CRYBG3: variants seen among roughly 807,000 people sequenced by gnomAD.
CRYBG3 encodes very large A-kinase anchor protein.
In CRYBG3, 127 loss-of-function variants were observed where a neutral mutation model predicts 244.2. The observed-to-expected ratio is 0.52, with a 90% CI of 0.45 to 0.60. CRYBG3 has a LOEUF of 0.60. Ranked by LOEUF, CRYBG3 falls within the 20% of genes least tolerant of loss-of-function variation. The pLI, the probability that CRYBG3 is intolerant of heterozygous loss-of-function variation, is 0.00. For synonymous variants in CRYBG3, 1,132 were observed against 1,195.8 expected, an observed-to-expected ratio of 0.95 and a Z score of 1.10; for missense variants, 3,325 against 3,442.5, an observed-to-expected ratio of 0.97 and a Z score of 0.85.
chr3:97,911,677 G>C (rs7653323), intron 15 of CRYBG3, among the ~76,000 whole-genome samples: 76 of 152,288 alleles, frequency 5.0e-4, no homozygotes, highest in African/African-American at 1.7e-3. Flanking sequence ...GCATGTGCTC[G>C]TGCTCTCCTC....
At chr3:97,891,330 A>G (rs2039573316) in intron 10 of CRYBG3, among the ~76,000 whole-genome samples, 1 of 152,174 alleles carries the variant, frequency 6.6e-6, no homozygotes, top group Admixed American at 6.6e-5. Flanking sequence ...AAACAATGTA[A>G]TCACACTCAA....
At chr3:97,931,314 C>T (rs1436596990) in intron 17 of CRYBG3, among the ~76,000 whole-genome samples, 1 of 152,108 alleles carries the variant, frequency 6.6e-6, no homozygotes, top group East Asian at 1.9e-4. Context: ...GAATTTGATG[C>T]CATGGGGCAA....
Position 97,851,082 on chromosome 3 carries a change from G to A in CRYBG3, c.216+7821G>A, listed in dbSNP as rs186450460. ...TGGGAGGTGGAGGTTTTGGTGAGCC[G>A]AGATTGCACCACTGCACTCCAGCCT... On this transcript the variant is annotated intron_variant, in intron 2 of 21. Transcript: ENST00000389622. Among the ~76,000 whole-genome samples the A allele has an allele frequency of 9.6e-3, 1,422 of 148,366 alleles. 8 individuals carry two copies. The highest frequency in any genetic ancestry group is 0.016 in the Non-Finnish European group (1,093 of 67,768).
chr3:97,844,401 T>C (rs1222628643), intron 2 of CRYBG3, among the ~76,000 whole-genome samples: 1 of 152,166 alleles, frequency 6.6e-6, no homozygotes, highest in East Asian at 1.9e-4. Flanking sequence ...CTCAAGACTT[T>C]TACTTCTAAT....
At position 97,908,600 on chromosome 3, in the gene CRYBG3, A is replaced by G. The variant is rs930142957; in HGVS notation, c.8005-3567A>G. 9.9e-5 allele frequency among the ~76,000 whole-genome samples: 15 copies of G among 152,062 alleles called. No individual in the cohort carries two copies. The South Asian group carries it at 2.7e-3, about 27-fold the overall frequency. ...CCTTTTTTTGTTTTCCATTTGCTTCATAGATCTTCCTCCATCCTTTTATTT... is the reference window on the plus strand; with the variant it reads ...CCTTTTTTTGTTTTCCATTTGCTTCGTAGATCTTCCTCCATCCTTTTATTT... On this transcript the variant is annotated intron_variant, in intron 15 of 21. Coordinates refer to ENST00000389622, the MANE Select transcript of CRYBG3 (RefSeq NM_153605.4).
intron 15 of CRYBG3, among the ~76,000 whole-genome samples, chr3:97,901,600 C>T (rs1166167051): frequency 6.6e-6 from 1 of 152,086 alleles, no homozygotes; most frequent in Non-Finnish European, 1.5e-5. Context: ...TTGAAAACTC[C>T]CAACTGTGGA....
Position 97,857,309 on chromosome 3 carries a change from A to AAT in CRYBG3, c.217-6905_217-6904dup, listed in dbSNP as rs567843358. ...GCCTGAAATATGATGTGTTCTGAAG[A>AAT]ATATTCCATTTGCTGATGAGAAAAA... On this transcript the variant is annotated intron_variant, in intron 2 of 21. Coordinates refer to ENST00000389622, the MANE Select transcript of CRYBG3 (RefSeq NM_153605.4). 2.6e-5 allele frequency among the ~76,000 whole-genome samples: 4 copies of AAT among 152,128 alleles called. No homozygotes were observed. The South Asian group carries it at 6.2e-4, about 24-fold the overall frequency.
rs2039511348 is a variant in CRYBG3, at chr3:97,886,710, C to T, written c.7232C>T (p.Pro2411Leu). Residue 2411 changes from proline to leucine, a missense_variant, in exon 8 of 22, where the codon CCC becomes CTC. Transcript: ENST00000389622. The part of the protein sequence containing the change: ...CCPVYIQRAV[P>L]NLEELNISKS... ...CCTGTCTACATACAGAGAGCAGTCC[C>T]CAATTTGGAAGAACTGAATATCTCC... The T allele has an allele frequency of 6.2e-7, 1 of 1,612,342 alleles. No individual in the cohort carries two copies. The highest frequency in any genetic ancestry group is 8.5e-7 in the Non-Finnish European group (1 of 1,179,250).
At chr3:97,906,102 A>T (rs2039771565) in intron 15 of CRYBG3, among the ~76,000 whole-genome samples, 1 of 148,040 alleles carries the variant, frequency 6.8e-6, no homozygotes, top group African/African-American at 2.5e-5. Context: ...CCATTGATCT[A>T]TATCTCTGTT....
intron 1 of CRYBG3, among the ~76,000 whole-genome samples, chr3:97,841,400 C>T (rs1275129709): frequency 2.0e-5 from 3 of 151,588 alleles, no homozygotes; most frequent in East Asian, 1.9e-4. Flanking sequence ...ATCTGTTTAG[C>T]GGTATCCGTT....
chr3:97,872,471 T>C lies in CRYBG3; in HGVS notation c.1277T>C (p.Leu426Pro). The change falls in exon 4 of 22, where the codon CTT becomes CCT. Residue 426 changes from leucine to proline, a missense_variant. Leu to Pro is a moderately conservative substitution (Grantham distance 98, BLOSUM62 -3). Transcript: ENST00000389622. ...AGGACATTGGTGCAAAGAGAGGAGC[T>C]TGTTGAGCCTCAGGGCCCTGCTATT... ...SNRTLVQREE[L>P]VEPQGPAISD... The C allele has an allele frequency of 1.3e-6, 2 of 1,535,988 alleles. No homozygotes were observed. The highest frequency in any genetic ancestry group is 1.7e-4 in the Middle Eastern group (1 of 5,990).
chr3:97,892,922 TTC>T lies in CRYBG3; in HGVS notation c.7505_7506del (p.Ser2502CysfsTer3), dbSNP rs1259392320. The T allele has an allele frequency of 1.3e-6, 2 of 1,585,524 alleles. No homozygotes were observed. The highest frequency in any genetic ancestry group is 2.7e-5 in the African/African-American group (2 of 73,976). On this transcript the variant is annotated frameshift_variant, in exon 11 of 22. Transcript: ENST00000389622. LOFTEE classifies it high-confidence loss of function. ...CTAAAGAGTTTAGTGAACATATAGATTCTGTTCCTAATTTTTTGAAAAATAAT... is the reference window on the plus strand; with the variant it reads ...CTAAAGAGTTTAGTGAACATATAGATTGTTCCTAATTTTTTGAAAAATAAT... ...QAKEFSEHID[S>X]VPNFLKNNGD...
In CRYBG3 at chr3:97,876,276, C is replaced by T; in HGVS notation, c.5082C>T (p.His1694=). ...TIALSEVENI[H]QKGGEGISEK... ...CCTTGTCAGAAGTGGAAAATATCCA[C>T]CAAAAAGGTGGTGAAGGGATTAGTG... The change falls in exon 4 of 22, where the codon CAC becomes CAT. Residue 1694 remains histidine, a synonymous_variant. Coordinates refer to ENST00000389622, the MANE Select transcript of CRYBG3 (RefSeq NM_153605.4). 2.4e-6 allele frequency: 3 copies of T among 1,231,526 alleles called. No homozygotes were observed. The highest frequency in any genetic ancestry group is 3.0e-6 in the Non-Finnish European group (3 of 987,860). The allele number at this position is 1,231,526 out of a possible 1,614,324, so 76.3% of individuals were successfully genotyped here. A position where few individuals can be genotyped will look rare whatever the true frequency, so the allele number is the denominator to read the frequency against.
In CRYBG3 at chr3:97,850,225, C is replaced by G. The variant is rs146321945; in HGVS notation, c.216+6964C>G. ...TAAGGCCCATCAACGGCCCTTCCTT[C>G]ATACGCATACCCATTGATACTATAT... On this transcript the variant is annotated intron_variant, in intron 2 of 21. Transcript: ENST00000389622. 2.1e-3 allele frequency among the ~76,000 whole-genome samples: 324 copies of G among 152,278 alleles called. 1 individual carries two copies. The highest frequency in any genetic ancestry group is 7.3e-3 in the African/African-American group (302 of 41,540).
At chr3:97,862,624 G>T (rs1363505986) in intron 2 of CRYBG3, among the ~76,000 whole-genome samples, 2 of 152,128 alleles carry the variant, frequency 1.3e-5, no homozygotes, top group East Asian at 3.9e-4. Flanking sequence ...GCCAAACTGA[G>T]AGGTTGTTTA....
chr3:97,827,574 T>C (rs1251199766), intron 1 of CRYBG3, among the ~76,000 whole-genome samples: 1 of 152,154 alleles, frequency 6.6e-6, no homozygotes, highest in African/African-American at 2.4e-5. Flanking sequence ...TGTGTGTTTG[T>C]TTTCTTTCTT....
chr3:97,913,230 A>C (rs866039636), intron 16 of CRYBG3, among the ~76,000 whole-genome samples: 1 of 152,128 alleles, frequency 6.6e-6, no homozygotes, highest in South Asian at 2.1e-4. Context: ...CAGTCCGATC[A>C]AGTTCAAGCT....
intron 7 of CRYBG3, among the ~76,000 whole-genome samples, chr3:97,885,156 A>G (rs2039493280): frequency 6.6e-6 from 1 of 152,186 alleles, no homozygotes; most frequent in Non-Finnish European, 1.5e-5. Context: ...AGAACGAAGT[A>G]TACTTTTATA....
At position 97,933,691 on chromosome 3, in the gene CRYBG3, T is replaced by C; in HGVS notation, c.8242-3T>C. On this transcript the variant is annotated splice_region_variant and splice_polypyrimidine_tract_variant and intron_variant, in intron 17 of 21. Transcript: ENST00000389622. The stretch of plus-strand genomic sequence containing the variant: ...TGGTGACGCTTTCTTTTTCTGCTAA[T>C]AGGTTTTTGAAGAACCCTCCATCAG... 1 of 1,612,718 alleles carries C rather than the reference T, an allele frequency of 6.2e-7. No individual in the cohort carries two copies. The highest frequency in any genetic ancestry group is 8.5e-7 in the Non-Finnish European group (1 of 1,179,188).
Sources: allele counts gnomAD v4.1 joint callset (sites outside exome capture counted in the v4.1 genomes callset), GRCh38; gene constraint gnomAD v4.1.1; transcripts MANE v1.5; gene names NCBI Gene and HGNC (gene_info 2026-07-23, HGNC 2026-07-21).